Variants in SEPTIN2 observed in about 807,000 individuals in gnomAD.
SEPTIN2 encodes septin 2.
Under a neutral mutation model 46.5 loss-of-function variants are expected in SEPTIN2, and 34 were observed. The observed-to-expected ratio is 0.73, with a 90% confidence interval of 0.56 to 0.97. The LOEUF (loss-of-function observed/expected upper bound fraction) is 0.97, where lower values mean the gene tolerates loss of function less well. SEPTIN2 is among the 50% of genes least tolerant of loss of function. The probability of loss-of-function intolerance (pLI) is 0.00; values close to 1 mark genes in which losing one functional copy is unlikely to be tolerated. For missense variants in SEPTIN2, 347 were observed against 448.4 expected (o/e 0.77, Z 2.04); for synonymous variants, 175 against 153.4 (o/e 1.14, Z -1.04).
chr2:241,337,390 C>G lies in SEPTIN2; in HGVS notation c.350C>G (p.Thr117Arg). ...DAINCRDCFKTIISYIDEQFE... is the reference protein window; with the variant it reads ...DAINCRDCFKRIISYIDEQFE... ...GTTTCTGTTTCTCTCAGTTTTAAGA[C>G]AATTATCTCCTATATTGATGAGCAA... The change falls in exon 6 of 13, where the codon ACA (threonine) becomes AGA (arginine). Residue 117 changes from threonine (T) to arginine (R), a missense_variant. Thr to Arg is a moderately conservative substitution (Grantham distance 71). Transcript: ENST00000391971. 6.2e-7 allele frequency: 1 copy of G among 1,613,080 alleles called. No individual in the cohort carries two copies. The highest frequency in any genetic ancestry group is 8.5e-7 in the Non-Finnish European group (1 of 1,179,520).
chr2:241,350,548 TTTG>T (rs1286791252), intron 12 of SEPTIN2, among the ~76,000 whole-genome samples: 4 of 152,340 alleles, frequency 2.6e-5, no homozygotes, highest in African/African-American at 7.2e-5. Flanking sequence ...TTATTGGAAA[TTTG>T]TTAATTGTTA....
At chr2:241,348,318 C>G in intron 11 of SEPTIN2, 127 bp downstream of exon 11, 1 of 556,102 alleles carries the variant, frequency 1.8e-6, no homozygotes, top group South Asian at 2.3e-5. Flanking sequence ...ACCTCTGCCT[C>G]CCGGGTTCAA....
upstream of SEPTIN2, chr2:241,315,886 G>C (rs1026429031): frequency 6.6e-6 from 1 of 152,060 alleles, no homozygotes; most frequent in Non-Finnish European, 1.5e-5. Flanking sequence ...CGCGCTGGGC[G>C]GGGCGGGGCG....
intron 1 of SEPTIN2, among the ~76,000 whole-genome samples, chr2:241,322,581 G>A (rs1014819099): frequency 7.9e-5 from 12 of 151,376 alleles, no homozygotes; most frequent in Non-Finnish European, 1.8e-4. Context: ...ACTTCAGCCC[G>A]GGAGACAATG....
intron 3 of SEPTIN2, among the ~76,000 whole-genome samples, chr2:241,331,828 A>C (rs937684649): frequency 3.9e-5 from 6 of 152,248 alleles, no homozygotes; most frequent in Non-Finnish European, 8.8e-5. Flanking sequence ...AAGACTTAAC[A>C]GCAGTAATCA....
chr2:241,348,674 TATA>T (rs1419477992), intron 11 of SEPTIN2, among the ~76,000 whole-genome samples: 6 of 152,182 alleles, frequency 3.9e-5, no homozygotes, highest in Admixed American at 2.6e-4. Context: ...CACATCTATA[TATA>T]ATAATAAACA....
At chr2:241,348,433 G>C (rs1011460467) in intron 11 of SEPTIN2, among the ~76,000 whole-genome samples, 1 of 152,132 alleles carries the variant, frequency 6.6e-6, no homozygotes, top group Non-Finnish European at 1.5e-5. Context: ...GTTTCATCAT[G>C]TTGGCCAGGC....
At chr2:241,342,532 A>G (rs62193174) in intron 7 of SEPTIN2, among the ~76,000 whole-genome samples, 1 of 133,862 alleles carries the variant, frequency 7.5e-6, no homozygotes, top group South Asian at 2.4e-4. Context: ...GCAGTTTTGT[A>G]AATTTTTTTT....
At chr2:241,322,592 C>G (rs1245351327) in intron 1 of SEPTIN2, among the ~76,000 whole-genome samples, 1 of 148,858 alleles carries the variant, frequency 6.7e-6, no homozygotes, top group Non-Finnish European at 1.5e-5. Flanking sequence ...GGAGACAATG[C>G]GAGACTCCGT....
chr2:241,351,776 GT>G (rs1459464663), intron 12 of SEPTIN2, 190 bp from the exon 13 acceptor site: 10 of 152,128 alleles, frequency 6.6e-5, no homozygotes, highest in Admixed American at 5.9e-4. Flanking sequence ...ATACTTTCTA[GT>G]TTTGCAGCAT....
chr2:241,335,938 C>T (rs780982655), intron 4 of SEPTIN2, 37 bp from the exon 5 acceptor site: 7 of 1,613,810 alleles, frequency 4.3e-6, no homozygotes, highest in Non-Finnish European at 5.1e-6. Context: ...TCTTCACATG[C>T]TGCTTATATT....
chr2:241,335,659 A>G lies in SEPTIN2; in HGVS notation c.218-316A>G, dbSNP rs540522021. On this transcript the variant is annotated intron_variant, in intron 4 of 12. Coordinates refer to ENST00000391971, the MANE Select transcript of SEPTIN2 (RefSeq NM_004404.5). ...GAGAGCCTAAGACTTGGGCTGCTGC[A>G]AGAATATGTAGCCCTTTCAGAATAT... 2.6e-5 allele frequency: 15 copies of G among 569,130 alleles called. 1 individual carries two copies. In the South Asian group the frequency reaches 3.1e-4, roughly 12 times the overall value. 35.3% of individuals were successfully genotyped at this position (569,130 alleles called of 1,614,324 possible).
In SEPTIN2 at chr2:241,343,060, T is replaced by C; in HGVS notation, c.663T>C (p.Asp221=). 6.2e-7 allele frequency: 1 copy of C among 1,609,382 alleles called. No individual in the cohort carries two copies. Among genetic ancestry groups the C allele is most frequent in the Non-Finnish European group, 8.5e-7 (1 of 1,176,082 alleles). Residue 221 remains aspartate, a synonymous_variant, in exon 8 of 13, where the codon GAT becomes GAC. Transcript: ENST00000391971. ...TACCTGATGCAGAATCAGATGAAGA[T>C]GAAGATTTTAAAGAGCAGACTAGAC... ...YHLPDAESDE[D]EDFKEQTRLL... is the part of the protein sequence containing the mutation.
At chr2:241,331,100 A>ATCTG (rs2078921407) in intron 3 of SEPTIN2, among the ~76,000 whole-genome samples, 1 of 152,176 alleles carries the variant, frequency 6.6e-6, no homozygotes, top group South Asian at 2.1e-4. Flanking sequence ...AATCGCTTGA[A>ATCTG]TCTGGGAGGG....
chr2:241,318,776 C>T (rs2076737916), intron 1 of SEPTIN2, among the ~76,000 whole-genome samples: 1 of 150,792 alleles, frequency 6.6e-6, no homozygotes, highest in African/African-American at 2.4e-5. Context: ...TCTCAGCTCA[C>T]TGCACCCTCC....
At chr2:241,342,702 A>AT (rs2081423149) in intron 7 of SEPTIN2, among the ~76,000 whole-genome samples, 3 of 151,504 alleles carry the variant, frequency 2.0e-5, no homozygotes, top group African/African-American at 4.9e-5. Context: ...CGCTTAGCTA[A>AT]TTTTTTTGTA....
At chr2:241,317,517 A>G in intron 1 of SEPTIN2, 1 of 984,968 alleles carries the variant, frequency 1.0e-6, no homozygotes, top group Non-Finnish European at 1.2e-6. Context: ...AACTGCTGTA[A>G]AAGAAGAAGT....
At chr2:241,335,758 A>G (rs200660879) in intron 4 of SEPTIN2, 4 of 596,480 alleles carry the variant, frequency 6.7e-6, no homozygotes, top group East Asian at 5.7e-5. Flanking sequence ...AATTTTTAAC[A>G]TTTGTGTTTT....
chr2:241,335,029 G>A (rs1038362666), intron 3 of SEPTIN2, 97 bp from the exon 4 acceptor site: 1 of 738,206 alleles, frequency 1.4e-6, no homozygotes. Flanking sequence ...ATGTTTGTGA[G>A]GTACTTAGCC....
Sources: allele counts gnomAD v4.1 joint callset (sites outside exome capture counted in the v4.1 genomes callset), GRCh38; gene constraint gnomAD v4.1.1; transcripts MANE v1.5; gene names NCBI Gene and HGNC (gene_info 2026-07-23, HGNC 2026-07-21).